The following LPIN2 variants were observed in gnomAD, a reference collection of about 807,000 sequenced individuals.
The protein encoded by LPIN2 is lipin 2.
LPIN2 carries 55 observed loss-of-function variants against 111.4 expected under a neutral mutation model. The observed-to-expected ratio is 0.49, with a 90% CI of 0.40 to 0.62. The LOEUF is 0.62. LPIN2 is among the 20% of genes least tolerant of loss of function. The pLI is 0.00. For synonymous variants in LPIN2, 425 were observed against 414.0 expected, an observed-to-expected ratio of 1.03 and a Z score of -0.32; for missense variants, 992 against 1,112.1, an observed-to-expected ratio of 0.89 and a Z score of 1.54.
chr18:2,940,922 G>A (rs1022113523), intron 4 of LPIN2, among the ~76,000 whole-genome samples: 93 of 152,266 alleles, frequency 6.1e-4, no homozygotes, highest in African/African-American at 2.1e-3. Context: ...GGAATAAATA[G>A]GGGGAGGACA....
At chr18:2,996,705 C>T (rs1207222558) in intron 1 of LPIN2, among the ~76,000 whole-genome samples, 1 of 151,926 alleles carries the variant, frequency 6.6e-6, no homozygotes, top group Admixed American at 6.5e-5. Flanking sequence ...TCTCGATCTC[C>T]TGACGTCATG....
chr18:2,952,207 A>G (rs1274845799), intron 3 of LPIN2, among the ~76,000 whole-genome samples: 5 of 152,194 alleles, frequency 3.3e-5, no homozygotes, highest in Non-Finnish European at 7.3e-5. Flanking sequence ...CAGGCGGATC[A>G]CCTGAGGTCA....
intron 1 of LPIN2, chr18:2,985,133 G>A (rs2078169955): frequency 6.6e-6 from 1 of 152,222 alleles, no homozygotes; most frequent in African/African-American, 2.4e-5. Flanking sequence ...CATCAGAAGT[G>A]AGCTCATTTT....
chr18:2,983,192 A>C (rs2078138403), intron 1 of LPIN2, among the ~76,000 whole-genome samples: 1 of 152,206 alleles, frequency 6.6e-6, no homozygotes, highest in South Asian at 2.1e-4. Flanking sequence ...CTAATCATGT[A>C]AGGGAAGTAA....
intron 7 of LPIN2, among the ~76,000 whole-genome samples, chr18:2,935,572 T>C (rs1013490789): frequency 6.6e-6 from 1 of 152,188 alleles, no homozygotes; most frequent in African/African-American, 2.4e-5. Context: ...ATGTGAAACC[T>C]GATGCAATTT....
At position 2,922,113 on chromosome 18, in the gene LPIN2, T is replaced by C. The variant is rs1028913918; in HGVS notation, c.2261A>G (p.Lys754Arg). The change falls in exon 17 of 20, where the codon AAG (lysine) becomes AGG (arginine). Residue 754 changes from lysine (K) to arginine (R), a missense_variant. By Grantham distance (26) the Lys-to-Arg change is conservative. Around this residue, in one of 4 missense-constraint regions of LPIN2, gnomAD observed 185 missense variants for 186.5 expected, o/e 0.99. Transcript: ENST00000677752. ...GGGGCCCCGGGGCAAGATTGTGCCC[T>C]TGTCATTGACCCAGTGCAGGTAGCC... Reference protein sequence around the residue: ...TRGYLHWVNDKGTILPRGPLM... With the variant: ...TRGYLHWVNDRGTILPRGPLM... 14 of 1,613,962 alleles carry C rather than the reference T, an allele frequency of 8.7e-6. No individual in the cohort carries two copies. The African/African-American group carries it at 1.5e-4, about 17-fold the overall frequency.
chr18:3,000,171 A>G (rs529066611), intron 1 of LPIN2, among the ~76,000 whole-genome samples: 52 of 144,652 alleles, frequency 3.6e-4, no homozygotes, highest in African/African-American at 1.2e-3. Flanking sequence ...CAGATCTCCC[A>G]GTAAATCCAA....
intron 2 of LPIN2, among the ~76,000 whole-genome samples, chr18:2,958,549 T>C (rs1328427913): frequency 1.3e-5 from 2 of 152,192 alleles, no homozygotes; most frequent in South Asian, 2.1e-4. Context: ...ATGATTTCAG[T>C]TTTACTCTCA....
chr18:2,967,308 G>C (rs2077821418), intron 1 of LPIN2, among the ~76,000 whole-genome samples: 1 of 152,110 alleles, frequency 6.6e-6, no homozygotes, highest in Non-Finnish European at 1.5e-5. Flanking sequence ...AAAAATCTGA[G>C]GGCTGAACTC....
chr18:2,927,226 CCCTGAACCCT>C (rs1396354971), intron 12 of LPIN2, among the ~76,000 whole-genome samples: 1 of 152,156 alleles, frequency 6.6e-6, no homozygotes. Flanking sequence ...GGTGAGAACT[CCCTGAACCCT>C]CTTTTTCAGA....
At chr18:3,010,911 A>G (rs968325545) in intron 1 of LPIN2, among the ~76,000 whole-genome samples, 2 of 152,190 alleles carry the variant, frequency 1.3e-5, no homozygotes, top group African/African-American at 4.8e-5. Flanking sequence ...CACCAGGAAT[A>G]TTCATCCATG....
chr18:2,967,458 C>T (rs2298786), intron 1 of LPIN2: 17,904 of 152,334 alleles, frequency 0.12, 1,631 homozygotes, highest in East Asian at 0.46. Context: ...ACCCACGCAG[C>T]AGCTGCCGCA....
chr18:2,921,712 T>C lies in LPIN2; in HGVS notation c.2328-65A>G, dbSNP rs953603449. Reference sequence around the variant, plus strand: ...GGTCGTTTTCCCCAGTGAGTGGTCCTAAAATTTTAGTGCTCACAACCACCC... The same window carrying C: ...GGTCGTTTTCCCCAGTGAGTGGTCCCAAAATTTTAGTGCTCACAACCACCC... On this transcript the variant is annotated intron_variant, in intron 17 of 19. Transcript: ENST00000677752. 22 of 1,190,928 alleles carry C rather than the reference T, an allele frequency of 1.8e-5. No individual in the cohort carries two copies. In the Admixed American group the frequency reaches 3.9e-4, roughly 21 times the overall value. 73.8% of individuals were successfully genotyped at this position (1,190,928 alleles called of 1,614,324 possible).
In LPIN2 at chr18:2,987,220, T is replaced by C. The variant is rs115844562; in HGVS notation, c.-10+25867A>G. Among the ~76,000 whole-genome samples, 256 of 152,306 alleles carry C rather than the reference T, an allele frequency of 1.7e-3. 1 individual carries two copies. Among genetic ancestry groups the C allele is most frequent in the Middle Eastern group, 6.8e-3 (2 of 294 alleles). On this transcript the variant is annotated intron_variant, in intron 1 of 19. Coordinates refer to ENST00000677752, the MANE Select transcript of LPIN2 (RefSeq NM_001375808.2). ...TTTCAAAGTGTAGTGCTTTAATCTT[T>C]TCAGAAACAAATTACTTGTTATAGA...
chr18:2,938,737 A>G (rs1278604527), intron 6 of LPIN2, among the ~76,000 whole-genome samples: 4 of 152,250 alleles, frequency 2.6e-5, no homozygotes, highest in African/African-American at 4.8e-5. Context: ...TGCAAAATGT[A>G]TATTTTAAAA....
chr18:2,985,718 T>G (rs550376895), intron 1 of LPIN2, among the ~76,000 whole-genome samples: 1 of 152,260 alleles, frequency 6.6e-6, no homozygotes, highest in South Asian at 2.1e-4. Flanking sequence ...CTAGCTAGAA[T>G]TTGCTTATCT....
intron 1 of LPIN2, among the ~76,000 whole-genome samples, chr18:2,978,078 T>C (rs1465658643): frequency 6.6e-6 from 1 of 151,888 alleles, no homozygotes; most frequent in Non-Finnish European, 1.5e-5. Context: ...TCCCAGCTAC[T>C]CAGGAGGCTG....
chr18:2,943,060 C>T (rs1171026514), intron 4 of LPIN2, among the ~76,000 whole-genome samples: 3 of 152,138 alleles, frequency 2.0e-5, no homozygotes, highest in Admixed American at 6.5e-5. Flanking sequence ...TTTCAAATTC[C>T]GCATCATTTT....
At chr18:2,988,012 CAAAAA>C (rs761121515) in intron 1 of LPIN2, among the ~76,000 whole-genome samples, 11 of 32,346 alleles carry the variant, frequency 3.4e-4, no homozygotes, top group South Asian at 1.4e-3. Flanking sequence ...GAGACTGTCT[CAAAAA>C]AAAAAAAAAA....
Sources: allele counts gnomAD v4.1 joint callset (sites outside exome capture counted in the v4.1 genomes callset), GRCh38; gene constraint gnomAD v4.1.1; regional missense constraint gnomAD v4.1.1; transcripts MANE v1.5; gene names NCBI Gene and HGNC (gene_info 2026-07-23, HGNC 2026-07-21).